Variants in P3H4 observed in about 807,000 individuals in gnomAD.
The protein encoded by P3H4 is endoplasmic reticulum protein SC65.
A neutral mutation model predicts 52.9 loss-of-function variants in P3H4; 47 were observed. The observed-to-expected ratio is 0.89, with a 90% CI of 0.70 to 1.13. P3H4 has a LOEUF of 1.13. P3H4 is among the 50% of genes most tolerant of loss of function. The probability of loss-of-function intolerance (pLI) is 0.00; values close to 1 mark genes in which losing one functional copy is unlikely to be tolerated. For synonymous variants in P3H4, 256 were observed against 267.9 expected, an observed-to-expected ratio of 0.96 and a Z score of 0.44; for missense variants, 585 against 611.0, an observed-to-expected ratio of 0.96 and a Z score of 0.45.
chr17:41,809,907 T>G, intron 3 of P3H4, 73 bp from the exon 4 acceptor site: 1 of 1,548,428 alleles, frequency 6.5e-7, no homozygotes, highest in Non-Finnish European at 8.8e-7. Context: ...GAGAAGACTC[T>G]AAATCCAATC....
chr17:41,807,145 T>C (rs1352837393), intron 5 of P3H4: 2 of 498,074 alleles, frequency 4.0e-6, no homozygotes, highest in Non-Finnish European at 7.2e-6. Flanking sequence ...ATGTGCCCCA[T>C]ATTTGCCAGC....
chr17:41,805,527 G>T (rs2047665199), intron 6 of P3H4, among the ~76,000 whole-genome samples: 1 of 151,914 alleles, frequency 6.6e-6, no homozygotes, highest in South Asian at 2.1e-4. Flanking sequence ...GTTTCACTAT[G>T]TTGGCCAGGC....
rs1555614982 is a variant in P3H4 at position 41,811,123 on chromosome 17, C to T, written c.615+9G>A. 6.2e-7 allele frequency: 1 copy of T among 1,614,126 alleles called. No homozygotes were observed. The highest frequency in any genetic ancestry group is 2.2e-5 in the East Asian group (1 of 44,886). On this transcript the variant is annotated intron_variant, in intron 2 of 7. Transcript: ENST00000393928. The surrounding 1 kb of genome is among the most constrained non-coding windows in gnomAD (Gnocchi z 4.8). ...CCTCTACAAGCCTCCTCCTGACCCT[C>T]CACCCCACCTCGTAGGGCTGGGCCT...
rs781789148 is a variant in P3H4, at chr17:41,803,017, C to G, written c.1292-38G>C. 6.9e-6 allele frequency: 11 copies of G among 1,605,194 alleles called. No homozygotes were observed. In the African/African-American group the frequency reaches 1.5e-4, roughly 22 times the overall value. On this transcript the variant is annotated intron_variant, in intron 7 of 7. Coordinates refer to ENST00000393928, the MANE Select transcript of P3H4 (RefSeq NM_006455.3). ...GGAGAAAGCACTGGGGTTGCTCCCC[C>G]ACCCACTCCCAATGGGTGTCCAGGT...
In P3H4 at chr17:41,802,705, C is replaced by G; in HGVS notation, c.*252G>C. ...TAGCTGGGATTTCAGGCGCCTGCCA[C>G]CACACCCGGCTAATTTATGTATTTT... On this transcript the variant is annotated 3_prime_UTR_variant, in exon 8 of 8. Transcript: ENST00000393928. 1 of 417,884 alleles carries G rather than the reference C, an allele frequency of 2.4e-6. No homozygotes were observed. Among genetic ancestry groups the G allele is most frequent in the Non-Finnish European group, 4.2e-6 (1 of 236,500 alleles). The allele number at this position is 417,884 out of a possible 1,614,324, so 25.9% of individuals were successfully genotyped here.
chr17:41,811,276 C>T lies in P3H4; in HGVS notation c.471G>A (p.Arg157=), dbSNP rs147735599. The change falls in exon 2 of 8, where the codon CGG becomes CGA. Residue 157 remains arginine, a synonymous_variant. Coordinates refer to ENST00000393928, the MANE Select transcript of P3H4 (RefSeq NM_006455.3). This position sits in a 1 kb window ranked among gnomAD's most constrained non-coding sequence, Gnocchi z 4.8. Reference sequence around the variant, plus strand: ...AGGCCGCCGCCACCGCCTTCTCCAGCCGGTTAGCCTGGTCGGGGGGTAGGG... The same window carrying T: ...AGGCCGCCGCCACCGCCTTCTCCAGTCGGTTAGCCTGGTCGGGGGGTAGGG... ...YLHYALFKAN[R]LEKAVAAAYT... is the part of the protein sequence containing the mutation. 1.2e-5 allele frequency: 19 copies of T among 1,613,248 alleles called. No individual in the cohort carries two copies. Among genetic ancestry groups the T allele is most frequent in the Non-Finnish European group, 1.4e-5 (17 of 1,179,984 alleles).
rs376049952 is a variant in P3H4, at chr17:41,810,948, G to C, written c.702C>G (p.Tyr234Ter). ...TEDMERALSE[Y>*]LAVFARCLAG... is the part of the protein sequence containing the mutation. Reference sequence around the variant, plus strand: ...CCAGGCACCGGGCAAAGACTGCCAGGTACTCTGACAAGGCCCGCTCCATGT... The same window carrying C: ...CCAGGCACCGGGCAAAGACTGCCAGCTACTCTGACAAGGCCCGCTCCATGT... The change falls in exon 3 of 8, where the codon TAC (tyrosine) becomes TAG (stop). Residue 234 changes from tyrosine to a stop codon, truncating the protein, a stop_gained. Transcript: ENST00000393928. LOFTEE classifies it high-confidence loss of function. 2.5e-6 allele frequency: 4 copies of C among 1,614,060 alleles called. No homozygotes were observed. In the African/African-American group the frequency reaches 4.0e-5, roughly 16 times the overall value.
At chr17:41,803,965 T>C (rs1555613847) in intron 6 of P3H4, among the ~76,000 whole-genome samples, 1 of 151,102 alleles carries the variant, frequency 6.6e-6, no homozygotes, top group Non-Finnish European at 1.5e-5. Flanking sequence ...TTTTTTTTTT[T>C]TTTTTGAGAC....
chr17:41,806,644 C>T (rs1160935594), intron 6 of P3H4, 152 bp downstream of exon 6: 14 of 646,858 alleles, frequency 2.2e-5, no homozygotes, highest in African/African-American at 1.1e-4. Flanking sequence ...GGGGAAGGAA[C>T]GGACAGTCTA....
At chr17:41,810,320 C>A (rs969236649) in intron 3 of P3H4, among the ~76,000 whole-genome samples, 5 of 151,816 alleles carry the variant, frequency 3.3e-5, no homozygotes, top group Non-Finnish European at 7.4e-5. Context: ...ATTACAGGTG[C>A]CCGCCACCAC....
chr17:41,808,079 A>G, intron 4 of P3H4, 75 bp from the exon 5 acceptor site: 1 of 1,532,384 alleles, frequency 6.5e-7, no homozygotes, highest in South Asian at 1.3e-5. Flanking sequence ...AGTTCAGTCC[A>G]GCACCCCTGC....
rs2047686666 is a variant in P3H4, at chr17:41,807,621, C to A, written c.1062+238G>T. On this transcript the variant is annotated intron_variant, in intron 5 of 7. Transcript: ENST00000393928. ...CACGCCATTCTCCTGCCTCAGCTTC[C>A]CGAGTAGTTGGTACTACAGGCGTCC... is the stretch of plus-strand genomic sequence containing the variant. 9.5e-6 allele frequency: 3 copies of A among 314,584 alleles called. No individual in the cohort carries two copies. The South Asian group carries it at 1.5e-4, about 15-fold the overall frequency. The allele number at this position is 314,584 out of a possible 1,614,324, so 19.5% of individuals were successfully genotyped here. A position where few individuals can be genotyped will look rare whatever the true frequency, so the allele number is the denominator to read the frequency against.
chr17:41,803,932 G>A (rs924710285), intron 6 of P3H4, among the ~76,000 whole-genome samples: 5 of 151,404 alleles, frequency 3.3e-5, no homozygotes, highest in Non-Finnish European at 7.4e-5. Flanking sequence ...TGAGCGGCAC[G>A]TGAAAGGGAC....
At chr17:41,810,500 G>A (rs528641283) in intron 3 of P3H4, among the ~76,000 whole-genome samples, 1 of 152,178 alleles carries the variant, frequency 6.6e-6, no homozygotes, top group African/African-American at 2.4e-5. Flanking sequence ...CCCTGCTCGA[G>A]GGACCCCAGG....
rs1555614396 is a variant in P3H4 at position 41,807,883 on chromosome 17, T to C, written c.1038A>G (p.Glu346=). Residue 346 remains glutamate, a synonymous_variant, in exon 5 of 8, where the codon GAA becomes GAG. Transcript: ENST00000393928. The part of the protein sequence containing the change: ...YRFHRARWGL[E]EEDFQPREEA... ...CCTCCCGGGGCTGGAAGTCCTCCTC[T>C]TCCAGGCCCCAGCGAGCCCGGTGGA... The C allele has an allele frequency of 6.2e-7, 1 of 1,613,946 alleles. No homozygotes were observed. Among genetic ancestry groups the C allele is most frequent in the South Asian group, 1.1e-5 (1 of 91,056 alleles).
Position 41,803,363 on chromosome 17 carries a change from C to A in P3H4, c.1215G>T (p.Gly405=). The A allele has an allele frequency of 6.2e-7, 1 of 1,614,116 alleles. No individual in the cohort carries two copies. Among genetic ancestry groups the A allele is most frequent in the Middle Eastern group, 1.6e-4 (1 of 6,062 alleles). ...EDALSDAEFE[G]EGDYEEGMYA... ...ACATGCCCTCCTCGTAGTCACCCTC[C>A]CCCTCAAACTCGGCGTCAGATAGGG... Residue 405 remains glycine (G), a synonymous_variant, in exon 7 of 8, where the codon GGG becomes GGT. Coordinates refer to ENST00000393928, the MANE Select transcript of P3H4 (RefSeq NM_006455.3).
intron 6 of P3H4, among the ~76,000 whole-genome samples, chr17:41,803,948 C>T (rs1377218150): frequency 6.7e-6 from 1 of 150,062 alleles, no homozygotes; most frequent in Non-Finnish European, 1.5e-5. Context: ...GGGACCATGA[C>T]TTCCTTTTTT....
chr17:41,807,859 C>T lies in P3H4; in HGVS notation c.1062G>A (p.Glu354=). The T allele has an allele frequency of 1.2e-6, 2 of 1,611,734 alleles. No homozygotes were observed. Among genetic ancestry groups the T allele is most frequent in the Non-Finnish European group, 1.7e-6 (2 of 1,178,952 alleles). ...GLEEEDFQPR[E]EAMLYHNQTA... is the part of the protein sequence containing the mutation. The stretch of plus-strand genomic sequence containing the variant: ...AAGTGCCCCAGAAAGCAGTGCCCAC[C>T]TCCCGGGGCTGGAAGTCCTCCTCTT... The change falls in exon 5 of 8, where the codon GAG becomes GAA. Residue 354 remains glutamate, a splice_region_variant and synonymous_variant. Coordinates refer to ENST00000393928, the MANE Select transcript of P3H4 (RefSeq NM_006455.3).
Position 41,811,763 on chromosome 17 carries a change from G to A in P3H4, c.153C>T (p.Ser51=). 6.6e-7 allele frequency: 1 copy of A among 1,525,534 alleles called. No homozygotes were observed. Among genetic ancestry groups the A allele is most frequent in the Non-Finnish European group, 8.7e-7 (1 of 1,148,688 alleles). 94.5% of individuals were successfully genotyped at this position (1,525,534 alleles called of 1,614,324 possible). A position where few individuals can be genotyped will look rare whatever the true frequency, so the allele number is the denominator to read the frequency against. ...CCAGGTAGCGCGCGCTCTCGCGCCA[G>A]CTCTCTCCCTCGTACTGCTCCAGAG... is the stretch of plus-strand genomic sequence containing the variant. ...GHALEQYEGE[S]WRESARYLEA... The change falls in exon 1 of 8, where the codon AGC becomes AGT. Residue 51 remains serine (S), a synonymous_variant. Transcript: ENST00000393928. This position sits in a 1 kb window ranked among gnomAD's most constrained non-coding sequence, Gnocchi z 4.8.
Sources: gnomAD v4.1 joint callset for allele counts (sites outside exome capture counted in the v4.1 genomes callset) on GRCh38, gnomAD v4.1.1 for gene constraint, Gnocchi (gnomAD v3.1) non-coding constraint, MANE v1.5 for transcripts, NCBI Gene and HGNC (gene_info 2026-07-23, HGNC 2026-07-21) for gene names.